The following CDKAL1 variants were observed in gnomAD, a reference collection of about 807,000 sequenced individuals.
CDKAL1 encodes threonylcarbamoyladenosine tRNA methylthiotransferase.
In CDKAL1, 32 loss-of-function variants were observed where a neutral mutation model predicts 68.2. The ratio of observed to expected loss-of-function variants is 0.47; its 90% CI spans 0.35 to 0.63. The LOEUF (loss-of-function observed/expected upper bound fraction) is 0.63. CDKAL1 is among the 30% of genes least tolerant of loss of function. The pLI, the probability that CDKAL1 is intolerant of heterozygous loss-of-function variation, is 0.00. For missense variants in CDKAL1, 606 were observed against 696.7 expected (o/e 0.87, Z 1.47); for synonymous variants, 234 against 244.3 (o/e 0.96, Z 0.39).
At chr6:21,022,030 C>T (rs980040299) in intron 11 of CDKAL1, among the ~76,000 whole-genome samples, 1 of 152,144 alleles carries the variant, frequency 6.6e-6, no homozygotes, top group Non-Finnish European at 1.5e-5. Flanking sequence ...AGGTCAGGAA[C>T]TCTGAAGGGC....
At chr6:20,894,742 C>A (rs1422057788) in intron 9 of CDKAL1, among the ~76,000 whole-genome samples, 2 of 152,120 alleles carry the variant, frequency 1.3e-5, no homozygotes, top group Admixed American at 6.5e-5. Context: ...TGTGGTGGCT[C>A]ACACCTGCAA....
chr6:20,585,057 C>CTTTTTT (rs11385529), intron 4 of CDKAL1, among the ~76,000 whole-genome samples: 2 of 131,686 alleles, frequency 1.5e-5, no homozygotes, highest in African/African-American at 2.9e-5. Flanking sequence ...AATCTTGTTT[C>CTTTTTT]TTTTTTTTTT....
intron 12 of CDKAL1, among the ~76,000 whole-genome samples, chr6:21,075,409 G>T (rs1004151531): frequency 4.6e-5 from 7 of 151,798 alleles, no homozygotes; most frequent in African/African-American, 1.7e-4. Flanking sequence ...ATCCCAAATG[G>T]ATAAGACACC....
chr6:21,016,612 TCATCCATCCATCCATCCATCCATCCATC>T (rs3061573), intron 11 of CDKAL1, among the ~76,000 whole-genome samples: 80 of 144,110 alleles, frequency 5.6e-4, no homozygotes, highest in African/African-American at 1.9e-3. Flanking sequence ...CGCCTTCCAT[TCATCCATCCATCCATCCATCCATCCATC>T]CATCCATCCA....
chr6:20,909,646 TATAGCTAGACCACCC>T (rs1762380109), intron 9 of CDKAL1, among the ~76,000 whole-genome samples: 1 of 152,206 alleles, frequency 6.6e-6, no homozygotes, highest in Non-Finnish European at 1.5e-5. Context: ...TGCTTTGAGC[TATAGCTAGACCACCC>T]ACAAACTAGG....
chr6:20,726,691 T>C (rs1772672516), intron 5 of CDKAL1, among the ~76,000 whole-genome samples: 1 of 152,184 alleles, frequency 6.6e-6, no homozygotes. Flanking sequence ...AGGTGCTCTC[T>C]CTTTGAAGAG....
chr6:20,559,334 T>C (rs1180745959), intron 4 of CDKAL1: 1 of 152,210 alleles, frequency 6.6e-6, no homozygotes, highest in Non-Finnish European at 1.5e-5. Flanking sequence ...AATTCTAAAA[T>C]GTTTTGGTTC....
chr6:21,036,007 T>G (rs1300357836), intron 11 of CDKAL1, among the ~76,000 whole-genome samples: 1 of 152,186 alleles, frequency 6.6e-6, no homozygotes, highest in Admixed American at 6.6e-5. Context: ...ACATTTCCTT[T>G]GCGCTTGCAT....
chr6:20,700,341 G>A (rs1480361321), intron 5 of CDKAL1, among the ~76,000 whole-genome samples: 4 of 147,654 alleles, frequency 2.7e-5, no homozygotes, highest in Admixed American at 2.0e-4. Flanking sequence ...GGCAACAAGA[G>A]TGAAACTCCA....
At chr6:20,947,226 A>T (rs1423118520) in intron 9 of CDKAL1, among the ~76,000 whole-genome samples, 3 of 152,230 alleles carry the variant, frequency 2.0e-5, no homozygotes, top group African/African-American at 7.2e-5. Flanking sequence ...CTGTTTAAGT[A>T]CAGATGCTCC....
chr6:20,875,548 G>A (rs1358789821), intron 9 of CDKAL1, among the ~76,000 whole-genome samples: 1 of 152,080 alleles, frequency 6.6e-6, no homozygotes, highest in African/African-American at 2.4e-5. Flanking sequence ...TGGGGAGGGG[G>A]GTTGGAAGAT....
chr6:20,905,835 A>T (rs1381167134), intron 9 of CDKAL1, among the ~76,000 whole-genome samples: 1 of 152,204 alleles, frequency 6.6e-6, no homozygotes, highest in African/African-American at 2.4e-5. Flanking sequence ...AGACAGCCAA[A>T]GAACCTATAT....
chr6:20,924,579 C>T (rs1763101251), intron 9 of CDKAL1, among the ~76,000 whole-genome samples: 1 of 152,200 alleles, frequency 6.6e-6, no homozygotes, highest in South Asian at 2.1e-4. Flanking sequence ...GACGATCAAA[C>T]CAACCATAAC....
intron 4 of CDKAL1, among the ~76,000 whole-genome samples, chr6:20,618,661 G>A (rs1219983925): frequency 6.6e-6 from 1 of 151,818 alleles, no homozygotes; most frequent in Non-Finnish European, 1.5e-5. Flanking sequence ...TTTGTGCTCA[G>A]TTTTCATTTT....
intron 4 of CDKAL1, among the ~76,000 whole-genome samples, chr6:20,567,599 C>T (rs1479808789): frequency 6.6e-6 from 1 of 152,038 alleles, no homozygotes; most frequent in Non-Finnish European, 1.5e-5. Context: ...GGGGTGATGT[C>T]TTCATAGAAG....
intron 8 of CDKAL1, among the ~76,000 whole-genome samples, chr6:20,793,709 G>A (rs1007747313): frequency 6.7e-6 from 1 of 150,018 alleles, no homozygotes; most frequent in Non-Finnish European, 1.5e-5. Context: ...TTGTATGGTA[G>A]ATATTCAAGG....
At chr6:21,161,713 ACT>A (rs1776932630) in intron 13 of CDKAL1, among the ~76,000 whole-genome samples, 3 of 152,160 alleles carry the variant, frequency 2.0e-5, no homozygotes, top group East Asian at 1.9e-4. Context: ...TAACATATAA[ACT>A]CTGCTTCTGC....
intron 11 of CDKAL1, among the ~76,000 whole-genome samples, chr6:21,036,252 C>T (rs1218693429): frequency 1.3e-5 from 2 of 152,042 alleles, no homozygotes; most frequent in African/African-American, 4.8e-5. Context: ...AGGTTGAACA[C>T]ATTAAGAAAC....
At chr6:20,914,563 C>T (rs1056866971) in intron 9 of CDKAL1, among the ~76,000 whole-genome samples, 2 of 152,068 alleles carry the variant, frequency 1.3e-5, no homozygotes, top group African/African-American at 4.8e-5. Context: ...ACCCCAGAGC[C>T]TAGAACAGTA....
Sources: gnomAD v4.1 joint callset for allele counts (sites outside exome capture counted in the v4.1 genomes callset) on GRCh38, gnomAD v4.1.1 for gene constraint, MANE v1.5 for transcripts, NCBI Gene and HGNC (gene_info 2026-07-23, HGNC 2026-07-21) for gene names.